PSMG4: variants seen among roughly 807,000 people sequenced by gnomAD.
PSMG4 encodes the protein proteasome (prosome, macropain) assembly chaperone 4.
A neutral mutation model predicts 11.0 loss-of-function variants in PSMG4; 10 were observed. The ratio of observed to expected loss-of-function variants is 0.91; its 90% CI spans 0.56 to 1.54. The LOEUF (loss-of-function observed/expected upper bound fraction) is 1.54, where lower values mean the gene tolerates loss of function less well. Ranked by LOEUF, PSMG4 falls within the 40% of genes most tolerant of loss-of-function variation. PSMG4 has a pLI of 0.00. For missense variants in PSMG4, 198 were observed against 160.9 expected, an observed-to-expected ratio of 1.23 and a Z score of -1.25; for synonymous variants, 95 against 71.3, an observed-to-expected ratio of 1.33 and a Z score of -1.68.
At chr6:3,260,291 A>ATATATATATATATTTTTTTTTTTTTTTT in intron 1 of PSMG4, among the ~76,000 whole-genome samples, 1 of 70,842 alleles carries the variant, frequency 1.4e-5, no homozygotes, top group African/African-American at 5.5e-5. Flanking sequence ...ATATATATAT[A>ATATATATATATATTTTTTTTTTTTTTTT]TTTTTTTTTT....
At chr6:3,266,896 C>T (rs1412872349) in intron 2 of PSMG4, 4 of 150,878 alleles carry the variant, frequency 2.7e-5, no homozygotes, top group African/African-American at 9.7e-5. Flanking sequence ...TGCTCTATTG[C>T]CCAGGCTGGA....
At chr6:3,254,662 T>A (rs899560158), upstream of PSMG4, among the ~76,000 whole-genome samples, 2 of 152,114 alleles carry the variant, frequency 1.3e-5, no homozygotes, top group Non-Finnish European at 1.5e-5. Flanking sequence ...CTTTGTTCCT[T>A]CAAGCTGCGA....
chr6:3,254,827 G>C (rs993922644), upstream of PSMG4, among the ~76,000 whole-genome samples: 4 of 152,222 alleles, frequency 2.6e-5, no homozygotes, highest in Non-Finnish European at 4.4e-5. Flanking sequence ...TCTGGACACA[G>C]TGGGACCTTA....
upstream of PSMG4, among the ~76,000 whole-genome samples, chr6:3,254,842 A>G (rs1446568886): frequency 3.9e-5 from 6 of 152,056 alleles, no homozygotes; most frequent in African/African-American, 1.4e-4. Context: ...ACCTTAGAAA[A>G]CACTTTAACT....
At chr6:3,254,809 A>G (rs1757690825), upstream of PSMG4, among the ~76,000 whole-genome samples, 1 of 152,132 alleles carries the variant, frequency 6.6e-6, no homozygotes, top group African/African-American at 2.4e-5. Context: ...GAGCAACAAG[A>G]CACCAATTCT....
chr6:3,257,423 C>T (rs1022244182), upstream of PSMG4, among the ~76,000 whole-genome samples: 1 of 152,172 alleles, frequency 6.6e-6, no homozygotes, highest in Admixed American at 6.5e-5. Context: ...ATTTGCCATG[C>T]CAGCCAGGCC....
At chr6:3,256,241 G>A (rs1041881833), upstream of PSMG4, among the ~76,000 whole-genome samples, 1 of 152,190 alleles carries the variant, frequency 6.6e-6, no homozygotes, top group Admixed American at 6.5e-5. Flanking sequence ...ACCCTATAGG[G>A]CACAGATCCA....
At chr6:3,264,185 C>T in intron 2 of PSMG4, 1 of 1,551,234 alleles carries the variant, frequency 6.4e-7, no homozygotes, top group South Asian at 1.2e-5. Flanking sequence ...AAGGACTGTC[C>T]TCACTCAGTG....
chr6:3,266,089 A>G (rs1172568781), intron 2 of PSMG4: 5 of 152,172 alleles, frequency 3.3e-5, no homozygotes, highest in African/African-American at 1.2e-4. Flanking sequence ...AGACCTTTCC[A>G]GCCCTAAAAA....
chr6:3,254,660 C>G (rs138525596), upstream of PSMG4, among the ~76,000 whole-genome samples: 2 of 152,084 alleles, frequency 1.3e-5, no homozygotes, highest in East Asian at 1.9e-4. Flanking sequence ...AGCTTTGTTC[C>G]TTCAAGCTGC....
chr6:3,254,628 A>G (rs970811573), upstream of PSMG4, among the ~76,000 whole-genome samples: 6 of 152,098 alleles, frequency 3.9e-5, no homozygotes, highest in East Asian at 1.9e-4. Flanking sequence ...TAAGAGGTGT[A>G]ACACTGATTG....
At chr6:3,254,876 G>A (rs374784175), upstream of PSMG4, among the ~76,000 whole-genome samples, 113 of 152,100 alleles carry the variant, frequency 7.4e-4, no homozygotes, top group South Asian at 0.013. Context: ...AGATGCTGGA[G>A]GGTGACTCCG....
chr6:3,258,180 AT>A (rs1757830426), upstream of PSMG4, among the ~76,000 whole-genome samples: 1 of 22,062 alleles, frequency 4.5e-5, no homozygotes, highest in Non-Finnish European at 4.4e-4. Flanking sequence ...CAATGGGATG[AT>A]TGGATGATTG....
Position 3,267,884 on chromosome 6 carries a change from G to T in PSMG4, c.*172G>T. 1.7e-6 allele frequency: 1 copy of T among 595,918 alleles called. No homozygotes were observed. Among genetic ancestry groups the T allele is most frequent in the Admixed American group, 3.1e-5 (1 of 32,036 alleles). The allele number at this position is 595,918 out of a possible 1,614,324, so 36.9% of individuals were successfully genotyped here. A position where few individuals can be genotyped will look rare whatever the true frequency, so the allele number is the denominator to read the frequency against. ...CAAAAGGCTCATACTGACCCACCTG[G>T]TGAAGGAGAGGCAAAGTGGGCAGTA... On this transcript the variant is annotated 3_prime_UTR_variant, in exon 3 of 3. Transcript: ENST00000438998.
chr6:3,257,448 G>A (rs1188509719), upstream of PSMG4, among the ~76,000 whole-genome samples: 2 of 152,134 alleles, frequency 1.3e-5, no homozygotes, highest in African/African-American at 4.8e-5. Flanking sequence ...ACTCTCCACC[G>A]GTCGGTAACT....
chr6:3,262,389 G>A (rs957239684), intron 1 of PSMG4, among the ~76,000 whole-genome samples: 5 of 152,222 alleles, frequency 3.3e-5, no homozygotes, highest in Admixed American at 1.3e-4. Flanking sequence ...CTATTACCAT[G>A]CAGCTAAATG....
chr6:3,255,239 C>G (rs1471601939), upstream of PSMG4: 1 of 1,549,222 alleles, frequency 6.5e-7, no homozygotes. Context: ...GGTAAGCCTT[C>G]CATGCTGTTG....
upstream of PSMG4, among the ~76,000 whole-genome samples, chr6:3,255,774 TG>T (rs1757741498): frequency 7.9e-5 from 12 of 152,238 alleles, no homozygotes; most frequent in Admixed American, 6.5e-4. Flanking sequence ...TTCTGTGGAA[TG>T]TCCAGAGAGT....
intron 1 of PSMG4, among the ~76,000 whole-genome samples, chr6:3,262,267 G>A (rs4602754): frequency 0.68 from 103,981 of 152,080 alleles, 38,535 homozygotes; most frequent in Non-Finnish European, 0.83. Flanking sequence ...GATGTCGGAA[G>A]TAATGAACTA....
Sources: allele counts gnomAD v4.1 joint callset (sites outside exome capture counted in the v4.1 genomes callset), GRCh38; gene constraint gnomAD v4.1.1; transcripts MANE v1.5; gene names NCBI Gene and HGNC (gene_info 2026-07-23, HGNC 2026-07-21).